Variants in KDM2A observed in about 807,000 individuals in gnomAD.
KDM2A encodes lysine-specific demethylase 2A.
A neutral mutation model predicts 137.3 loss-of-function variants in KDM2A; 3 were observed. The ratio of observed to expected loss-of-function variants is 0.02; its 90% CI spans 0.01 to 0.06. KDM2A has a LOEUF of 0.06. KDM2A is among the 10% of genes least tolerant of loss of function. KDM2A has a pLI of 1.00. For missense variants in KDM2A, 738 were observed against 1,510.6 expected (o/e 0.49, Z 8.48); for synonymous variants, 512 against 541.5 (o/e 0.95, Z 0.76).
At chr11:67,146,030 T>C (rs1187512770) in intron 2 of KDM2A, among the ~76,000 whole-genome samples, 2 of 151,134 alleles carry the variant, frequency 1.3e-5, no homozygotes, top group Non-Finnish European at 2.9e-5. Flanking sequence ...TCTATCTCTG[T>C]TGCCAGGCTG....
At chr11:67,221,942 A>T (rs963364816) in intron 10 of KDM2A, among the ~76,000 whole-genome samples, 6 of 144,710 alleles carry the variant, frequency 4.1e-5, no homozygotes, top group Non-Finnish European at 6.1e-5. Flanking sequence ...CTGTTAATTT[A>T]AAAAAAAAAA....
rs546691624 is a variant in KDM2A at position 67,165,206 on chromosome 11, C to T, written c.43-14873C>T. Among the ~76,000 whole-genome samples the T allele has an allele frequency of 2.6e-5, 4 of 152,098 alleles. No homozygotes were observed. The South Asian group carries it at 6.2e-4, about 24-fold the overall frequency. On this transcript the variant is annotated intron_variant, in intron 2 of 20. Coordinates refer to ENST00000529006, the MANE Select transcript of KDM2A (RefSeq NM_012308.3). Reference sequence around the variant, plus strand: ...GCGCGATCTTGGCTCACCGCATCCTCCACCTTCTGGGTTCAAGCAGTTGTC... The same window carrying T: ...GCGCGATCTTGGCTCACCGCATCCTTCACCTTCTGGGTTCAAGCAGTTGTC...
chr11:67,151,777 A>G (rs1468102978), intron 2 of KDM2A, among the ~76,000 whole-genome samples: 1 of 151,980 alleles, frequency 6.6e-6, no homozygotes, highest in Admixed American at 6.6e-5. Flanking sequence ...ACAGGGTTTC[A>G]CTCTTACCCA....
chr11:67,245,119 A>G lies in KDM2A; in HGVS notation c.1564-70A>G, dbSNP rs561005374. The G allele has an allele frequency of 3.2e-4, 499 of 1,547,908 alleles. 2 individuals carry two copies. In the East Asian group the frequency reaches 6.7e-3, roughly 21 times the overall value. On this transcript the variant is annotated intron_variant, in intron 13 of 20. Transcript: ENST00000529006. This position sits in a 1 kb window ranked among gnomAD's most constrained non-coding sequence, Gnocchi z 4.1. ...CAAGCCCCAGGCTAGGTATGCTACC[A>G]TGTAATCTTCTACCCTATCCAGTCT... is the stretch of plus-strand genomic sequence containing the variant.
chr11:67,155,707 C>T (rs1031456571), intron 2 of KDM2A, among the ~76,000 whole-genome samples: 7 of 151,504 alleles, frequency 4.6e-5, no homozygotes, highest in African/African-American at 1.7e-4. Flanking sequence ...ACCTCTGTCT[C>T]CCGGGTTCAA....
chr11:67,250,746 A>C lies in KDM2A; in HGVS notation c.2716A>C (p.Ser906Arg). ...EVWMSVFRYLSRRELCECMRV... is the reference protein window; with the variant it reads ...EVWMSVFRYLRRRELCECMRV... ...CTGGATGTCTGTCTTCCGCTACCTC[A>C]GCCGCAGAGAACTTTGTGAATGTAT... is the stretch of plus-strand genomic sequence containing the variant. Residue 906 changes from serine (S) to arginine (R), a missense_variant, in exon 17 of 21, where the codon AGC becomes CGC. Coordinates refer to ENST00000529006, the MANE Select transcript of KDM2A (RefSeq NM_012308.3). The surrounding 1 kb of genome is among the most constrained non-coding windows in gnomAD (Gnocchi z 7.1). 6.5e-7 allele frequency: 1 copy of C among 1,549,580 alleles called. No individual in the cohort carries two copies. The highest frequency in any genetic ancestry group is 8.7e-7 in the Non-Finnish European group (1 of 1,147,100).
chr11:67,149,791 G>A (rs930340121), intron 2 of KDM2A, among the ~76,000 whole-genome samples: 1 of 150,922 alleles, frequency 6.6e-6, no homozygotes. Context: ...TACGATCTCG[G>A]CTCACTGCAA....
In KDM2A at chr11:67,254,480, T is replaced by TG; in HGVS notation, c.3307+63dup. 1.4e-6 allele frequency: 2 copies of TG among 1,420,864 alleles called. No homozygotes were observed. 88.0% of individuals were successfully genotyped at this position (1,420,864 alleles called of 1,614,324 possible). Reference sequence around the variant, plus strand: ...CCTGCCTCCAGCCCTCCCTGGAACTTGATCAGTAAACCAGAATGACCTTGG... The same window carrying TG: ...CCTGCCTCCAGCCCTCCCTGGAACTTGGATCAGTAAACCAGAATGACCTTGG... On this transcript the variant is annotated intron_variant, in intron 20 of 20. Transcript: ENST00000529006. This position sits in a 1 kb window ranked among gnomAD's most constrained non-coding sequence, Gnocchi z 4.7.
At chr11:67,228,580 G>A (rs1336779699) in intron 11 of KDM2A, among the ~76,000 whole-genome samples, 1 of 151,622 alleles carries the variant, frequency 6.6e-6, no homozygotes, top group Admixed American at 6.6e-5. Flanking sequence ...AGCTGCTCAG[G>A]AGGCTGAGGT....
At chr11:67,151,346 TTTTA>T (rs559142495) in intron 2 of KDM2A, among the ~76,000 whole-genome samples, 223 of 151,730 alleles carry the variant, frequency 1.5e-3, no homozygotes, top group African/African-American at 4.8e-3. Flanking sequence ...ACACCACATA[TTTTA>T]TTTATTATTT....
Position 67,250,282 on chromosome 11 carries a change from C to T in KDM2A, c.2252C>T (p.Ala751Val), listed in dbSNP as rs1328856674. Reference protein sequence around the residue: ...PGAGPSDHHSASRDERFKRRQ... With the variant: ...PGAGPSDHHSVSRDERFKRRQ... ...GCTGGCCCCAGCGACCACCACAGTGCCAGCCGCGATGAGCGCTTCAAACGG... is the reference window on the plus strand; with the variant it reads ...GCTGGCCCCAGCGACCACCACAGTGTCAGCCGCGATGAGCGCTTCAAACGG... The change falls in exon 17 of 21, where the codon GCC becomes GTC. Residue 751 changes from alanine (A) to valine (V), a missense_variant. Transcript: ENST00000529006. The surrounding 1 kb of genome is among the most constrained non-coding windows in gnomAD (Gnocchi z 7.1). 1 of 1,613,764 alleles carries T rather than the reference C, an allele frequency of 6.2e-7. No homozygotes were observed. Among genetic ancestry groups the T allele is most frequent in the Admixed American group, 1.7e-5 (1 of 60,002 alleles).
intron 11 of KDM2A, 50 bp downstream of exon 11, chr11:67,228,213 G>C: frequency 6.3e-7 from 1 of 1,588,204 alleles, no homozygotes; most frequent in Non-Finnish European, 8.6e-7. Flanking sequence ...AGGTCTGAGG[G>C]TGAGGCCCGA....
chr11:67,218,246 G>A (rs1858230605), intron 9 of KDM2A, among the ~76,000 whole-genome samples: 1 of 152,228 alleles, frequency 6.6e-6, no homozygotes, highest in Non-Finnish European at 1.5e-5. Context: ...GAAGGCTGGA[G>A]TGCTCAGTCA....
chr11:67,191,747 A>G (rs1857359637), intron 5 of KDM2A, among the ~76,000 whole-genome samples: 1 of 152,236 alleles, frequency 6.6e-6, no homozygotes, highest in Non-Finnish European at 1.5e-5. Flanking sequence ...CTCAGTGGTG[A>G]AACACCAAAA....
chr11:67,161,732 G>T (rs1008833201), intron 2 of KDM2A, among the ~76,000 whole-genome samples: 4 of 152,156 alleles, frequency 2.6e-5, no homozygotes, highest in Non-Finnish European at 5.9e-5. Context: ...GGTTTGTGAA[G>T]TCAAAACTAT....
At chr11:67,132,142 T>C (rs1307594127) in intron 2 of KDM2A, 1 of 152,214 alleles carries the variant, frequency 6.6e-6, no homozygotes, top group Non-Finnish European at 1.5e-5. Context: ...TTTATACTAC[T>C]ACTATAAGGC....
Position 67,241,502 on chromosome 11 carries a change from TAA to T in KDM2A, c.1480-1504_1480-1503del, listed in dbSNP as rs146517317. On this transcript the variant is annotated intron_variant, in intron 12 of 20. Coordinates refer to ENST00000529006, the MANE Select transcript of KDM2A (RefSeq NM_012308.3). ...TCCTTAGGTTAAGAATGAAAATACA[TAA>T]AAGTCCTGGTCTCCGGGACAGAGCA... Among the ~76,000 whole-genome samples the T allele has an allele frequency of 7.2e-3, 1,095 of 152,172 alleles. 12 individuals carry two copies. The highest frequency in any genetic ancestry group is 0.025 in the African/African-American group (1,051 of 41,506).
intron 2 of KDM2A, among the ~76,000 whole-genome samples, chr11:67,139,596 C>T (rs570684977): frequency 1.3e-5 from 2 of 152,204 alleles, no homozygotes; most frequent in African/African-American, 4.8e-5. Context: ...CCAGGCTGGT[C>T]TTGAACTCCT....
chr11:67,186,667 G>A (rs1391146428), intron 5 of KDM2A, among the ~76,000 whole-genome samples: 3 of 152,144 alleles, frequency 2.0e-5, no homozygotes, highest in Admixed American at 6.5e-5. Context: ...TTTAAGAGAC[G>A]AGCATATTTT....
Sources: allele counts gnomAD v4.1 joint callset (sites outside exome capture counted in the v4.1 genomes callset), GRCh38; gene constraint gnomAD v4.1.1; non-coding constraint Gnocchi (gnomAD v3.1); transcripts MANE v1.5; gene names NCBI Gene and HGNC (gene_info 2026-07-23, HGNC 2026-07-21).